Variants in CELF2 observed in about 807,000 individuals in gnomAD.
CELF2 encodes CUGBP Elav-like family member 2.
In CELF2, 8 loss-of-function variants were observed where a neutral mutation model predicts 62.6. The ratio of observed to expected loss-of-function variants is 0.13; its 90% CI spans 0.07 to 0.23. CELF2 has a LOEUF of 0.23. CELF2 is among the 10% of genes least tolerant of loss of function. The probability of loss-of-function intolerance (pLI) is 1.00; values close to 1 mark genes in which losing one functional copy is unlikely to be tolerated. For synonymous variants in CELF2, 258 were observed against 250.0 expected, an observed-to-expected ratio of 1.03 and a Z score of -0.30; for missense variants, 333 against 671.0, an observed-to-expected ratio of 0.50 and a Z score of 5.56.
chr10:10,910,906 A>G (rs2134361257), intron 1 of CELF2, among the ~76,000 whole-genome samples: 1 of 152,282 alleles, frequency 6.6e-6, no homozygotes, highest in African/African-American at 2.4e-5. Context: ...CAAAGTCTAA[A>G]TGAGTGACTT....
chr10:11,294,630 C>T (rs1200388441), intron 9 of CELF2, among the ~76,000 whole-genome samples: 4 of 152,184 alleles, frequency 2.6e-5, no homozygotes, highest in East Asian at 3.9e-4. Flanking sequence ...ATCTGTCACA[C>T]GGCCAGGCGC....
In CELF2 at chr10:11,296,150, T is replaced by C. The variant is rs1373380431; in HGVS notation, c.976+7598T>C. Among the ~76,000 whole-genome samples the C allele has an allele frequency of 6.6e-6, 1 of 152,220 alleles. No homozygotes were observed. The highest frequency in any genetic ancestry group is 1.5e-5 in the Non-Finnish European group (1 of 68,034). ...GGATGGACAGATCCTCGCGTGCATC[T>C]TAGGGCTGCCACTCACCAAGCGCAT... On this transcript the variant is annotated intron_variant, in intron 9 of 12. Transcript: ENST00000633077. The surrounding 1 kb of genome is among the most constrained non-coding windows in gnomAD (Gnocchi z 5.0).
At chr10:11,142,495 T>C (rs554732649) in intron 1 of CELF2, among the ~76,000 whole-genome samples, 1 of 151,934 alleles carries the variant, frequency 6.6e-6, no homozygotes, top group Admixed American at 6.5e-5. Context: ...CCATCCTGGC[T>C]AACACAGTGA....
chr10:10,770,280 C>T, the CELF2 span, among the ~76,000 whole-genome samples: 4 of 151,454 alleles, frequency 2.6e-5, no homozygotes, highest in African/African-American at 7.3e-5. Flanking sequence ...TGCAGTAAGC[C>T]GAGGTCGCGC....
chr10:11,231,611 A>G (rs1460280943), intron 3 of CELF2, among the ~76,000 whole-genome samples: 3 of 149,950 alleles, frequency 2.0e-5, no homozygotes, highest in Non-Finnish European at 3.0e-5. Context: ...CATTGTGTCC[A>G]TTTTGCTCAT....
the CELF2 span, among the ~76,000 whole-genome samples, chr10:10,700,702 T>A: frequency 6.6e-6 from 1 of 152,368 alleles, no homozygotes; most frequent in Non-Finnish European, 1.5e-5. Flanking sequence ...GGCTACCTAT[T>A]CTTTGCCTTG....
At chr10:11,308,724 A>G (rs538142122) in intron 9 of CELF2, among the ~76,000 whole-genome samples, 2 of 152,280 alleles carry the variant, frequency 1.3e-5, no homozygotes, top group East Asian at 1.9e-4. Flanking sequence ...CTCATTTAAA[A>G]TTGTTTTTGT....
chr10:11,013,273 T>C (rs1272884092), upstream of CELF2, among the ~76,000 whole-genome samples: 2 of 151,660 alleles, frequency 1.3e-5, no homozygotes, highest in African/African-American at 2.4e-5. The surrounding 1 kb of genome is among the most constrained non-coding windows in gnomAD (Gnocchi z 4.1). Context: ...AAGAGAAAGC[T>C]GAGAAAGAAA....
chr10:11,283,904 CTG>C (rs201010654), intron 8 of CELF2, among the ~76,000 whole-genome samples: 83 of 85,074 alleles, frequency 9.8e-4, no homozygotes, highest in Middle Eastern at 8.2e-3. Context: ...TGATGGATGA[CTG>C]TGTGGTAGGT....
intron 1 of CELF2, among the ~76,000 whole-genome samples, chr10:10,811,142 T>G (rs2055841973): frequency 6.6e-6 from 1 of 152,038 alleles, no homozygotes; most frequent in East Asian, 1.9e-4. Flanking sequence ...GCAGGCAGAG[T>G]TGTCCTGTTC....
rs1198144030 is a variant in CELF2 at position 10,983,524 on chromosome 10, A to G, written c.89+63525A>G. ...TGAGTCCCTACAAAGGCCTTATGCT[A>G]TGATGGGTGCTACCGAAGATACATC... On this transcript the variant is annotated intron_variant, in intron 2 of 13. Coordinates refer to the CELF2 transcript ENST00000636488. This position sits in a 1 kb window ranked among gnomAD's most constrained non-coding sequence, Gnocchi z 5.2. Among the ~76,000 whole-genome samples the G allele has an allele frequency of 6.6e-6, 1 of 152,198 alleles. No homozygotes were observed. Among genetic ancestry groups the G allele is most frequent in the Non-Finnish European group, 1.5e-5 (1 of 68,018 alleles).
intron 2 of CELF2, among the ~76,000 whole-genome samples, chr10:11,202,746 G>C (rs1442233619): frequency 6.6e-6 from 1 of 152,152 alleles, no homozygotes; most frequent in Non-Finnish European, 1.5e-5. Flanking sequence ...GAGACCCTTA[G>C]TGGTGGGAGA....
chr10:11,192,669 G>A (rs2076531389), intron 2 of CELF2, among the ~76,000 whole-genome samples: 1 of 152,234 alleles, frequency 6.6e-6, no homozygotes, highest in Non-Finnish European at 1.5e-5. Context: ...CATCTCCTGT[G>A]TGACCTGGGT....
At chr10:10,650,474 T>C in the CELF2 span, among the ~76,000 whole-genome samples, 1 of 152,214 alleles carries the variant, frequency 6.6e-6, no homozygotes, top group African/African-American at 2.4e-5. Context: ...CAATTCTAAT[T>C]CTACATTTTA....
the CELF2 span, among the ~76,000 whole-genome samples, chr10:10,611,871 T>C: frequency 6.6e-6 from 1 of 152,210 alleles, no homozygotes; most frequent in Admixed American, 6.5e-5. Context: ...AGGCAAGAAC[T>C]TAGCAGGGTC....
the CELF2 span, among the ~76,000 whole-genome samples, chr10:10,701,819 C>G: frequency 1.3e-5 from 2 of 152,200 alleles, no homozygotes; most frequent in East Asian, 3.9e-4. Context: ...GAGAAAGTCC[C>G]TCGTGCTGCA....
chr10:10,629,849 A>G, the CELF2 span, among the ~76,000 whole-genome samples: 10 of 131,650 alleles, frequency 7.6e-5, no homozygotes, highest in African/African-American at 2.9e-4. Context: ...ATTGCAAAGC[A>G]CGGCTGAAGA....
chr10:11,265,508 A>G (rs1226031681), intron 5 of CELF2, among the ~76,000 whole-genome samples: 1 of 152,256 alleles, frequency 6.6e-6, no homozygotes, highest in Non-Finnish European at 1.5e-5. Flanking sequence ...GTGTTGCTTT[A>G]GCTAACCTTT....
intron 1 of CELF2, among the ~76,000 whole-genome samples, chr10:10,808,263 T>A (rs2055449624): frequency 6.6e-6 from 1 of 152,194 alleles, no homozygotes; most frequent in Non-Finnish European, 1.5e-5. Flanking sequence ...ATTGACAAAT[T>A]TCTAGGAACT....
Sources: gnomAD v4.1 joint callset for allele counts (sites outside exome capture counted in the v4.1 genomes callset) on GRCh38, gnomAD v4.1.1 for gene constraint, Gnocchi (gnomAD v3.1) non-coding constraint, MANE v1.5 for transcripts, NCBI Gene and HGNC (gene_info 2026-07-23, HGNC 2026-07-21) for gene names.